The following PLXNA4 variants were observed in gnomAD, a reference collection of about 807,000 sequenced individuals.
PLXNA4 encodes the protein plexin-A4.
A neutral mutation model predicts 191.8 loss-of-function variants in PLXNA4; 44 were observed. That is an observed-to-expected ratio of 0.23 (90% confidence interval 0.18 to 0.29). The LOEUF (loss-of-function observed/expected upper bound fraction) is 0.29. Among genes scored for constraint, PLXNA4 ranks in the 10% least tolerant of loss-of-function variants. PLXNA4 has a pLI of 1.00. For missense variants in PLXNA4, 1,800 were observed against 2,488.8 expected, an observed-to-expected ratio of 0.72 and a Z score of 5.89; for synonymous variants, 1,082 against 1,009.5, an observed-to-expected ratio of 1.07 and a Z score of -1.36.
At chr7:132,352,012 T>G (rs1803508517) in intron 3 of PLXNA4, among the ~76,000 whole-genome samples, 1 of 152,208 alleles carries the variant, frequency 6.6e-6, no homozygotes, top group East Asian at 1.9e-4. Context: ...TTAAGGCTTA[T>G]TAGACTATAT....
intron 3 of PLXNA4, chr7:132,385,423 G>A (rs1247081926): frequency 4.5e-6 from 6 of 1,321,752 alleles, no homozygotes; most frequent in Non-Finnish European, 6.0e-6. Context: ...CAGTAAATAT[G>A]TATTACAAAA....
chr7:132,583,700 G>C (rs1275979317), intron 2 of PLXNA4, among the ~76,000 whole-genome samples: 1 of 152,210 alleles, frequency 6.6e-6, no homozygotes, highest in Non-Finnish European at 1.5e-5. Flanking sequence ...GGACTCTGTG[G>C]CCTGGCTCCA....
chr7:132,458,084 C>T (rs1218584093), intron 3 of PLXNA4, among the ~76,000 whole-genome samples: 1 of 152,124 alleles, frequency 6.6e-6, no homozygotes, highest in African/African-American at 2.4e-5. Context: ...GAATAGTGGG[C>T]ACTCGAGACA....
chr7:132,449,938 G>A (rs569554818), intron 3 of PLXNA4, among the ~76,000 whole-genome samples: 107 of 152,318 alleles, frequency 7.0e-4, no homozygotes, highest in African/African-American at 1.2e-3. Flanking sequence ...AGAGCTCAGC[G>A]GCTGTGACAG....
At chr7:132,140,448 T>G in intron 30 of PLXNA4, 151 bp downstream of exon 30, 1 of 1,171,170 alleles carries the variant, frequency 8.5e-7, no homozygotes, top group Non-Finnish European at 1.2e-6. Context: ...CACTGGGACT[T>G]GGGGGTGTGG....
intron 3 of PLXNA4, among the ~76,000 whole-genome samples, chr7:132,310,785 A>T (rs1228945627): frequency 6.6e-6 from 1 of 152,192 alleles, no homozygotes; most frequent in African/African-American, 2.4e-5. Context: ...CTGCAGCCTC[A>T]TCAAGCTACT....
intron 2 of PLXNA4, among the ~76,000 whole-genome samples, chr7:132,600,090 G>A (rs1427220993): frequency 2.0e-5 from 3 of 152,022 alleles, no homozygotes; most frequent in Non-Finnish European, 4.4e-5. Context: ...ATTTTAATTA[G>A]GATTTTTGTA....
chr7:132,524,515 G>A (rs1276535290), intron 1 of PLXNA4, among the ~76,000 whole-genome samples: 1 of 152,170 alleles, frequency 6.6e-6, no homozygotes, highest in East Asian at 1.9e-4. Context: ...ACAGTGAAGG[G>A]CTAAAGGCCA....
chr7:132,165,396 C>A (rs1042071492), intron 22 of PLXNA4, among the ~76,000 whole-genome samples, 196 bp from the exon 23 acceptor site: 16 of 152,194 alleles, frequency 1.1e-4, no homozygotes, highest in African/African-American at 3.9e-4. Context: ...GTAAGACAAG[C>A]TTTTCCTACA....
chr7:132,246,817 A>G (rs1584895341), intron 4 of PLXNA4, among the ~76,000 whole-genome samples: 1 of 151,988 alleles, frequency 6.6e-6, no homozygotes, highest in African/African-American at 2.4e-5. Context: ...CCTCATCATC[A>G]TCCTCATCAC....
chr7:132,452,708 C>G (rs574665785), intron 3 of PLXNA4, among the ~76,000 whole-genome samples: 7 of 152,182 alleles, frequency 4.6e-5, no homozygotes, highest in Non-Finnish European at 1.0e-4. Flanking sequence ...CCAACCCAAG[C>G]TCTCTGATCT....
intron 3 of PLXNA4, among the ~76,000 whole-genome samples, chr7:132,417,279 A>G (rs1335135192): frequency 6.6e-6 from 1 of 152,128 alleles, no homozygotes; most frequent in Non-Finnish European, 1.5e-5. Flanking sequence ...ATTCTTGGGC[A>G]TCTCCTACCC....
At chr7:132,317,512 A>T (rs879869222) in intron 3 of PLXNA4, among the ~76,000 whole-genome samples, 6 of 151,578 alleles carry the variant, frequency 4.0e-5, no homozygotes, top group Non-Finnish European at 7.4e-5. Context: ...GTTCAGTTGG[A>T]TTGAATTGGA....
chr7:132,333,749 G>A (rs1802691667), intron 3 of PLXNA4, among the ~76,000 whole-genome samples: 1 of 152,132 alleles, frequency 6.6e-6, no homozygotes, highest in South Asian at 2.1e-4. Context: ...AGGAAAATCA[G>A]CTCCGGGCCC....
chr7:132,602,083 C>T (rs1425907455), intron 2 of PLXNA4, among the ~76,000 whole-genome samples: 2 of 152,284 alleles, frequency 1.3e-5, no homozygotes, highest in African/African-American at 4.8e-5. Flanking sequence ...ATTTTCAGTT[C>T]TAGTGACTGC....
At chr7:132,395,886 G>A (rs1452979269) in intron 3 of PLXNA4, among the ~76,000 whole-genome samples, 6 of 152,182 alleles carry the variant, frequency 3.9e-5, no homozygotes, top group African/African-American at 1.4e-4. Context: ...CTGTACACAT[G>A]TTCAAGACAC....
Position 132,298,117 on chromosome 7 carries a change from G to A in PLXNA4, c.1477C>T (p.Gln493Ter). 1 of 1,614,188 alleles carries A rather than the reference G, an allele frequency of 6.2e-7. No individual in the cohort carries two copies. The highest frequency in any genetic ancestry group is 8.5e-7 in the Non-Finnish European group (1 of 1,180,036). Residue 493 changes from glutamine (Q) to a stop codon, truncating the protein, a stop_gained, in exon 4 of 32, where the codon CAA (glutamine) becomes TAA (stop). Coordinates refer to ENST00000321063, the MANE Select transcript of PLXNA4 (RefSeq NM_020911.2). LOFTEE classifies it high-confidence loss of function. ...RDMAFSKDHEQLYIMSERQLT... is the reference protein window; with the variant it reads ...RDMAFSKDHE Reference sequence around the variant, plus strand: ...TGCCTCTCTGACATGATGTAGAGTTGCTCGTGGTCCTTGGAGAAGGCCATA... The same window carrying A: ...TGCCTCTCTGACATGATGTAGAGTTACTCGTGGTCCTTGGAGAAGGCCATA...
At chr7:132,591,447 T>C (rs921304156) in intron 2 of PLXNA4, among the ~76,000 whole-genome samples, 39 of 152,172 alleles carry the variant, frequency 2.6e-4, no homozygotes, top group African/African-American at 8.7e-4. Context: ...TGCCCACGAC[T>C]CCACAAGGAT....
intron 1 of PLXNA4, among the ~76,000 whole-genome samples, chr7:132,647,917 A>G (rs144818321): frequency 1.3e-5 from 2 of 152,102 alleles, no homozygotes; most frequent in East Asian, 1.9e-4. Context: ...ACACACTGTC[A>G]TACACTCACA....
Sources: allele counts gnomAD v4.1 joint callset (sites outside exome capture counted in the v4.1 genomes callset), GRCh38; gene constraint gnomAD v4.1.1; transcripts MANE v1.5; gene names NCBI Gene and HGNC (gene_info 2026-07-23, HGNC 2026-07-21).